CEP41: variants seen among roughly 807,000 people sequenced by gnomAD.
CEP41 encodes the protein centrosomal protein 41.
CEP41 carries 32 observed loss-of-function variants against 44.3 expected under a neutral mutation model. The ratio of observed to expected loss-of-function variants is 0.72; its 90% CI spans 0.54 to 0.97. The LOEUF (loss-of-function observed/expected upper bound fraction) is 0.97, where lower values mean the gene tolerates loss of function less well. Ranked by LOEUF, CEP41 falls within the 50% of genes least tolerant of loss-of-function variation. The pLI, the probability that CEP41 is intolerant of heterozygous loss-of-function variation, is 0.00. For missense variants in CEP41, 432 were observed against 455.2 expected, an observed-to-expected ratio of 0.95 and a Z score of 0.46; for synonymous variants, 151 against 168.5, an observed-to-expected ratio of 0.90 and a Z score of 0.80.
chr7:130,416,871 A>G (rs1311810784), intron 3 of CEP41, 48 bp downstream of exon 3: 9 of 1,390,740 alleles, frequency 6.5e-6, no homozygotes, highest in South Asian at 1.2e-5. Flanking sequence ...CAATTTATAG[A>G]ACAACTATAG....
chr7:130,394,511 G>A lies in CEP41; in HGVS notation c.*4380C>T, dbSNP rs1554413739. On this transcript the variant is annotated 3_prime_UTR_variant, in exon 11 of 11. Coordinates refer to ENST00000223208, the MANE Select transcript of CEP41 (RefSeq NM_018718.3). ...GGGTGGTGTGTGACCTTTGCGTGCT[G>A]AATTTGGGAGGATACTTTAAGCCTG... The A allele has an allele frequency of 2.2e-6, 1 of 453,956 alleles. No homozygotes were observed. Among genetic ancestry groups the A allele is most frequent in the Non-Finnish European group, 4.4e-6 (1 of 226,798 alleles). 28.1% of individuals were successfully genotyped at this position (453,956 alleles called of 1,614,324 possible). A position where few individuals can be genotyped will look rare whatever the true frequency, so the allele number is the denominator to read the frequency against.
At chr7:130,411,647 G>C (rs1475207143) in intron 4 of CEP41, among the ~76,000 whole-genome samples, 2 of 152,136 alleles carry the variant, frequency 1.3e-5, no homozygotes, top group Non-Finnish European at 2.9e-5. Flanking sequence ...CATTTTTAAA[G>C]CACTTTTCAC....
intron 5 of CEP41, 101 bp from the exon 6 acceptor site, chr7:130,404,809 C>T (rs1796960712): frequency 1.0e-6 from 1 of 996,048 alleles, no homozygotes; most frequent in East Asian, 2.4e-5. Flanking sequence ...ATCTTATCAT[C>T]ATTATTAAAT....
chr7:130,433,479 T>A (rs1554425565), intron 1 of CEP41, among the ~76,000 whole-genome samples: 1 of 152,042 alleles, frequency 6.6e-6, no homozygotes, highest in African/African-American at 2.4e-5. Context: ...GATAAAGATA[T>A]AAGATAGGTA....
intron 6 of CEP41, among the ~76,000 whole-genome samples, chr7:130,403,392 G>C (rs1168887753): frequency 3.9e-5 from 6 of 152,204 alleles, no homozygotes; most frequent in Admixed American, 2.6e-4. Context: ...GAATGAGGCA[G>C]AGGAAGAGCT....
chr7:130,423,927 G>A (rs1797585028), intron 2 of CEP41, among the ~76,000 whole-genome samples: 1 of 152,156 alleles, frequency 6.6e-6, no homozygotes, highest in Non-Finnish European at 1.5e-5. Context: ...CATAGATAGA[G>A]AAAGTAGATT....
At chr7:130,418,392 C>T (rs1483204983) in intron 2 of CEP41, among the ~76,000 whole-genome samples, 7 of 152,242 alleles carry the variant, frequency 4.6e-5, no homozygotes, top group Admixed American at 1.3e-4. Flanking sequence ...ACACATCTCT[C>T]CTGCCCACTG....
chr7:130,400,211 A>ACTG lies in CEP41; in HGVS notation c.800_801insCAG (p.Thr267_Gly268insSer). The ACTG allele has an allele frequency of 6.2e-7, 1 of 1,613,994 alleles. No individual in the cohort carries two copies. Among genetic ancestry groups the ACTG allele is most frequent in the Non-Finnish European group, 8.5e-7 (1 of 1,179,932 alleles). On this transcript the variant is annotated inframe_insertion, in exon 10 of 11. Transcript: ENST00000223208. Reference sequence around the variant, plus strand: ...GCTGGCAAGATGCTGGCAGGGAACCAGTAATCAGTCCTTCCGGGAATTTCT... The same window carrying ACTG: ...GCTGGCAAGATGCTGGCAGGGAACCACTGGTAATCAGTCCTTCCGGGAATTTCT...
rs782596017 is a variant in CEP41 at position 130,398,371 on chromosome 7, C to G, written c.*520G>C. 4.2e-5 allele frequency: 19 copies of G among 453,886 alleles called. No individual in the cohort carries two copies. The highest frequency in any genetic ancestry group is 7.1e-5 in the Non-Finnish European group (16 of 226,802). 28.1% of individuals were successfully genotyped at this position (453,886 alleles called of 1,614,324 possible). A position where few individuals can be genotyped will look rare whatever the true frequency, so the allele number is the denominator to read the frequency against. Reference sequence around the variant, plus strand: ...GAGAGCTCCTTGCTGAGTGAGCCTGCTGGGGTGGGGTCTGCAGGCGGCTGG... The same window carrying G: ...GAGAGCTCCTTGCTGAGTGAGCCTGGTGGGGTGGGGTCTGCAGGCGGCTGG... On this transcript the variant is annotated 3_prime_UTR_variant, in exon 11 of 11. Transcript: ENST00000223208.
intron 10 of CEP41, 143 bp from the exon 11 acceptor site, chr7:130,399,182 A>G (rs1160892753): frequency 4.4e-6 from 4 of 907,906 alleles, no homozygotes; most frequent in East Asian, 2.5e-5. Context: ...CTTTAGGCCA[A>G]CGATGGCCTA....
At chr7:130,436,970 C>T (rs1237368556) in intron 1 of CEP41, among the ~76,000 whole-genome samples, 1 of 152,046 alleles carries the variant, frequency 6.6e-6, no homozygotes, top group Non-Finnish European at 1.5e-5. Flanking sequence ...ACCTGGGAGG[C>T]GGAGGTTGTA....
Position 130,394,237 on chromosome 7 carries a change from T to A in CEP41, c.*4654A>T, listed in dbSNP as rs1554413586. On this transcript the variant is annotated 3_prime_UTR_variant, in exon 11 of 11. Coordinates refer to ENST00000223208, the MANE Select transcript of CEP41 (RefSeq NM_018718.3). ...GAGCCACAGTTCTCAGGCTGGCTCCTGGCTTTTCAAACCCTTGGTCAGAGA... is the reference window on the plus strand; with the variant it reads ...GAGCCACAGTTCTCAGGCTGGCTCCAGGCTTTTCAAACCCTTGGTCAGAGA... 2.2e-6 allele frequency: 1 copy of A among 454,084 alleles called. No homozygotes were observed. The highest frequency in any genetic ancestry group is 4.4e-6 in the Non-Finnish European group (1 of 226,786). 28.1% of individuals were successfully genotyped at this position (454,084 alleles called of 1,614,324 possible).
At chr7:130,401,420 T>C (rs1796840028) in intron 8 of CEP41, among the ~76,000 whole-genome samples, 1 of 152,182 alleles carries the variant, frequency 6.6e-6, no homozygotes, top group African/African-American at 2.4e-5. Flanking sequence ...CAGTCTGGAA[T>C]AAAATATACT....
intron 2 of CEP41, among the ~76,000 whole-genome samples, chr7:130,426,102 G>A (rs977995299): frequency 1.3e-5 from 2 of 152,214 alleles, no homozygotes; most frequent in Non-Finnish European, 2.9e-5. Flanking sequence ...TCACAGTTGT[G>A]ATAGTGCATT....
At chr7:130,439,788 TC>T in intron 1 of CEP41, among the ~76,000 whole-genome samples, 1 of 152,136 alleles carries the variant, frequency 6.6e-6, no homozygotes, top group East Asian at 1.9e-4. Context: ...AAGCCTGGAC[TC>T]CTACAGGGGC....
Position 130,398,669 on chromosome 7 carries a change from A to G in CEP41, c.*222T>C, listed in dbSNP as rs1554415964. 5.5e-6 allele frequency: 4 copies of G among 727,636 alleles called. No homozygotes were observed. 45.1% of individuals were successfully genotyped at this position (727,636 alleles called of 1,614,324 possible). A position where few individuals can be genotyped will look rare whatever the true frequency, so the allele number is the denominator to read the frequency against. ...CTGTAAACAACAGGGAGGAGACTAG[A>G]GCCTGTCACACCTCTGGTTTTTATG... On this transcript the variant is annotated 3_prime_UTR_variant, in exon 11 of 11. Coordinates refer to ENST00000223208, the MANE Select transcript of CEP41 (RefSeq NM_018718.3).
chr7:130,440,869 G>A (rs1005841563), intron 1 of CEP41, 65 bp downstream of exon 1: 8 of 1,572,218 alleles, frequency 5.1e-6, no homozygotes, highest in Admixed American at 1.7e-5. Flanking sequence ...GCTCTTCCCT[G>A]CCCACATGAG....
At position 130,423,450 on chromosome 7, in the gene CEP41, C is replaced by A. The variant is rs192000986; in HGVS notation, c.97+4505G>T. On this transcript the variant is annotated intron_variant, in intron 2 of 10. Coordinates refer to ENST00000223208, the MANE Select transcript of CEP41 (RefSeq NM_018718.3). ...ACTTCATGCCCACAAAGATGGTAATCAAAACGATGAACAATAACAAGCATT... is the reference window on the plus strand; with the variant it reads ...ACTTCATGCCCACAAAGATGGTAATAAAAACGATGAACAATAACAAGCATT... Among the ~76,000 whole-genome samples the A allele has an allele frequency of 6.8e-4, 104 of 152,216 alleles. 1 individual carries two copies. Among genetic ancestry groups the A allele is most frequent in the Admixed American group, 6.5e-3 (100 of 15,288 alleles).
intron 5 of CEP41, among the ~76,000 whole-genome samples, chr7:130,408,962 A>G (rs1369332260): frequency 1.3e-5 from 2 of 152,188 alleles, no homozygotes; most frequent in East Asian, 3.8e-4. Context: ...AAACAGCACA[A>G]TACAAAATTA....
Sources: allele counts gnomAD v4.1 joint callset (sites outside exome capture counted in the v4.1 genomes callset), GRCh38; gene constraint gnomAD v4.1.1; transcripts MANE v1.5; gene names NCBI Gene and HGNC (gene_info 2026-07-23, HGNC 2026-07-21).